The following CNTN4 variants were observed in gnomAD, a reference collection of about 807,000 sequenced individuals.
CNTN4 encodes the protein contactin 4, also known as contactin-4.
A neutral mutation model predicts 122.5 loss-of-function variants in CNTN4; 77 were observed. The ratio of observed to expected loss-of-function variants is 0.63; its 90% confidence interval spans 0.52 to 0.76. The LOEUF (loss-of-function observed/expected upper bound fraction) is 0.76. CNTN4 is among the 30% of genes least tolerant of loss of function. CNTN4 has a pLI of 0.00. For missense variants in CNTN4, 1,256 were observed against 1,259.1 expected, an observed-to-expected ratio of 1.00 and a Z score of 0.04; for synonymous variants, 512 against 447.0, an observed-to-expected ratio of 1.15 and a Z score of -1.83.
At chr3:2,307,909 G>C (rs1666261547) in intron 2 of CNTN4, among the ~76,000 whole-genome samples, 1 of 152,066 alleles carries the variant, frequency 6.6e-6, no homozygotes, top group Admixed American at 6.5e-5. Context: ...TTCTTGTCTG[G>C]TTTGGGTATC....
chr3:2,253,001 A>G (rs1233383292), intron 2 of CNTN4, among the ~76,000 whole-genome samples: 1 of 152,120 alleles, frequency 6.6e-6, no homozygotes, highest in African/African-American at 2.4e-5. Flanking sequence ...TGCACAGCAC[A>G]ATGAAAAAAA....
chr3:2,674,788 A>C (rs546796921), intron 4 of CNTN4, among the ~76,000 whole-genome samples: 6 of 152,206 alleles, frequency 3.9e-5, no homozygotes, highest in Admixed American at 6.5e-5. Flanking sequence ...AACAAAAAAA[A>C]AAAAAACCAT....
At position 2,295,911 on chromosome 3, in the gene CNTN4, C is replaced by T. The variant is rs535460257; in HGVS notation, c.-144-43267C>T. ...TTCTACATATGACTAGCCAGTTTTCCCAGCACCATTTATTAAATAGGGAAT... is the reference window on the plus strand; with the variant it reads ...TTCTACATATGACTAGCCAGTTTTCTCAGCACCATTTATTAAATAGGGAAT... On this transcript the variant is annotated intron_variant, in intron 2 of 24. Coordinates refer to ENST00000418658, the MANE Select transcript of CNTN4 (RefSeq NM_175607.3). Among the ~76,000 whole-genome samples, 11 of 152,118 alleles carry T rather than the reference C, an allele frequency of 7.2e-5. No homozygotes were observed. The South Asian group carries it at 1.0e-3, about 14-fold the overall frequency.
chr3:2,407,152 T>G (rs989942226), intron 3 of CNTN4, among the ~76,000 whole-genome samples: 1 of 152,180 alleles, frequency 6.6e-6, no homozygotes, highest in African/African-American at 2.4e-5. Context: ...ATTTAGCTCG[T>G]GTTATTTTGA....
At position 2,602,819 on chromosome 3, in the gene CNTN4, C is replaced by T. The variant is rs564139854; in HGVS notation, c.55+31261C>T. 1.9e-4 allele frequency among the ~76,000 whole-genome samples: 29 copies of T among 152,278 alleles called. 1 individual carries two copies. In the South Asian group the frequency reaches 6.0e-3, roughly 32 times the overall value. On this transcript the variant is annotated intron_variant, in intron 4 of 24. Coordinates refer to ENST00000418658, the MANE Select transcript of CNTN4 (RefSeq NM_175607.3). ...AGAAAACTAAAGTACAGGTTGTCTT[C>T]CTTAGCAAGTACAACCTTTGCCCAC...
chr3:2,611,933 G>A (rs2081509228), intron 4 of CNTN4, among the ~76,000 whole-genome samples: 1 of 151,962 alleles, frequency 6.6e-6, no homozygotes, highest in South Asian at 2.1e-4. Flanking sequence ...ACACTACTAG[G>A]TGGCCCAGTT....
At chr3:2,523,207 A>G (rs1345131110) in intron 3 of CNTN4, among the ~76,000 whole-genome samples, 1 of 151,826 alleles carries the variant, frequency 6.6e-6, no homozygotes, top group Non-Finnish European at 1.5e-5. Context: ...TTGTTTCTTT[A>G]TTTTTCACCC....
chr3:2,409,056 T>C (rs1396650658), intron 3 of CNTN4, among the ~76,000 whole-genome samples: 1 of 152,122 alleles, frequency 6.6e-6, no homozygotes, highest in East Asian at 1.9e-4. Context: ...TTTGCGTTGT[T>C]GAAGGAAGAT....
At chr3:2,782,048 G>A (rs1240850360) in intron 6 of CNTN4, among the ~76,000 whole-genome samples, 4 of 151,946 alleles carry the variant, frequency 2.6e-5, no homozygotes, top group Non-Finnish European at 5.9e-5. Flanking sequence ...TGTCTGGGTT[G>A]CCATAAGAGG....
chr3:2,429,749 C>A (rs2047988323), intron 3 of CNTN4, among the ~76,000 whole-genome samples: 1 of 152,202 alleles, frequency 6.6e-6, no homozygotes, highest in African/African-American at 2.4e-5. Context: ...AGCTTCCTTG[C>A]TGCTTTGTTT....
intron 3 of CNTN4, among the ~76,000 whole-genome samples, chr3:2,344,993 T>C (rs1336564252): frequency 6.6e-6 from 1 of 152,186 alleles, no homozygotes; most frequent in Non-Finnish European, 1.5e-5. Flanking sequence ...AGGGAAATAG[T>C]TGACAGAGAA....
At chr3:2,771,656 G>A (rs1470264026) in intron 6 of CNTN4, among the ~76,000 whole-genome samples, 3 of 152,176 alleles carry the variant, frequency 2.0e-5, no homozygotes, top group African/African-American at 7.2e-5. Flanking sequence ...TTTATTGAAA[G>A]AAGATAATAG....
rs2093246697 is a variant in CNTN4, at chr3:2,837,207, A to AT, written c.454+17632dup. On this transcript the variant is annotated intron_variant, in intron 7 of 24. Coordinates refer to ENST00000418658, the MANE Select transcript of CNTN4 (RefSeq NM_175607.3). Reference sequence around the variant, plus strand: ...AATTACCTCTTTTTCCAAAAAAAGCATTTTTTGTACTAGCCTTTCGGGGAG... The same window carrying AT: ...AATTACCTCTTTTTCCAAAAAAAGCATTTTTTTGTACTAGCCTTTCGGGGAG... Among the ~76,000 whole-genome samples, 7 of 152,292 alleles carry AT rather than the reference A, an allele frequency of 4.6e-5. No homozygotes were observed. In the South Asian group the frequency reaches 1.2e-3, roughly 27 times the overall value.
chr3:2,241,126 TAAAC>T (rs1346026438), intron 2 of CNTN4, among the ~76,000 whole-genome samples: 2 of 152,236 alleles, frequency 1.3e-5, no homozygotes, highest in East Asian at 3.9e-4. Flanking sequence ...TATTTAAAAA[TAAAC>T]AATTAAAATA....
intron 12 of CNTN4, among the ~76,000 whole-genome samples, chr3:2,917,263 T>TTCGGC (rs1441455243): frequency 4.6e-5 from 7 of 151,688 alleles, no homozygotes; most frequent in South Asian, 2.1e-4. Flanking sequence ...ACAGTCCAGC[T>TTCGGC]TCGGCATCAG....
chr3:2,900,106 T>TTG (rs1404480744), intron 10 of CNTN4, among the ~76,000 whole-genome samples: 1 of 152,216 alleles, frequency 6.6e-6, no homozygotes, highest in African/African-American at 2.4e-5. Flanking sequence ...CAGGTCAGCA[T>TTG]TTTCATCCTA....
intron 3 of CNTN4, among the ~76,000 whole-genome samples, chr3:2,552,343 CTT>C (rs1348197783): frequency 6.6e-6 from 1 of 152,126 alleles, no homozygotes; most frequent in Non-Finnish European, 1.5e-5. Flanking sequence ...CTTCTTTTGA[CTT>C]TTAAAGAAAA....
intron 4 of CNTN4, among the ~76,000 whole-genome samples, chr3:2,674,782 A>AC (rs200994266): frequency 8.8e-4 from 53 of 60,476 alleles, no homozygotes; most frequent in African/African-American, 2.3e-3. Flanking sequence ...CAAAAAAACA[A>AC]AAAAAAAAAA....
intron 13 of CNTN4, among the ~76,000 whole-genome samples, chr3:2,936,843 G>A (rs1234620744): frequency 6.6e-6 from 1 of 152,156 alleles, no homozygotes; most frequent in Non-Finnish European, 1.5e-5. Context: ...TAAAAATTAT[G>A]CCGATGTCAA....
Sources: allele counts gnomAD v4.1 joint callset (sites outside exome capture counted in the v4.1 genomes callset), GRCh38; gene constraint gnomAD v4.1.1; transcripts MANE v1.5; gene names NCBI Gene and HGNC (gene_info 2026-07-23, HGNC 2026-07-21).